GNAS-AS1: variants seen among roughly 807,000 people sequenced by gnomAD.
GNAS-AS1 encodes the protein GNAS antisense RNA 1 (non-protein coding).
intron 4 of GNAS-AS1, among the ~76,000 whole-genome samples, chr20:58,828,455 G>A (rs1372474672): frequency 1.3e-5 from 2 of 152,156 alleles, no homozygotes; most frequent in African/African-American, 2.4e-5. Flanking sequence ...AACAATTGAG[G>A]GATAGAACTA....
At chr20:58,823,603 C>T (rs957652291) in intron 4 of GNAS-AS1, among the ~76,000 whole-genome samples, 8 of 152,254 alleles carry the variant, frequency 5.3e-5, no homozygotes, top group South Asian at 2.1e-4. Context: ...AGCAGCTGGC[C>T]GGGGCCAGGT....
exon 1 of GNAS-AS1, chr20:58,850,801 G>A (rs543667430): frequency 7.5e-6 from 3 of 398,672 alleles, no homozygotes; most frequent in Non-Finnish European, 8.8e-6. Flanking sequence ...CGGCGCTAGC[G>A]GTCCTCGTGG....
At chr20:58,843,884 C>G (rs1260267136) in intron 2 of GNAS-AS1, 2 of 152,126 alleles carry the variant, frequency 1.3e-5, no homozygotes, top group African/African-American at 4.8e-5. Flanking sequence ...GTTTTGCAAA[C>G]AAAACTCTTT....
chr20:58,819,616 C>T (rs1004576145), intron 4 of GNAS-AS1, among the ~76,000 whole-genome samples: 3 of 151,994 alleles, frequency 2.0e-5, no homozygotes, highest in Admixed American at 1.3e-4. Context: ...TTCTTCAGGG[C>T]CCTCAAGAAC....
chr20:58,839,590 C>T (rs1437650332), intron 4 of GNAS-AS1: 4 of 408,760 alleles, frequency 9.8e-6, no homozygotes, highest in Non-Finnish European at 1.3e-5. Context: ...AAACAAGGTT[C>T]CCTCCTGCCA....
chr20:58,829,779 G>C (rs1568899678), intron 4 of GNAS-AS1, among the ~76,000 whole-genome samples: 1 of 151,962 alleles, frequency 6.6e-6, no homozygotes, highest in African/African-American at 2.4e-5. Context: ...TATACTCAGG[G>C]GGAAAAAAAC....
chr20:58,841,609 C>T lies in GNAS-AS1; in HGVS notation n.819+328G>A. On this transcript the variant is annotated intron_variant and non_coding_transcript_variant, in intron 4 of 4. Transcript: ENST00000424094. The surrounding 1 kb of genome is among the most constrained non-coding windows in gnomAD (Gnocchi z 5.0). The stretch of plus-strand genomic sequence containing the variant: ...GAGACCGCCTCAAAGAGCGTGCGCA[C>T]CTGCCCGCGCGCGCCGGAGCTGACC... The T allele has an allele frequency of 9.6e-7, 1 of 1,039,302 alleles. No individual in the cohort carries two copies. Among genetic ancestry groups the T allele is most frequent in the Non-Finnish European group, 1.2e-6 (1 of 865,376 alleles). 64.4% of individuals were successfully genotyped at this position (1,039,302 alleles called of 1,614,324 possible). A position where few individuals can be genotyped will look rare whatever the true frequency, so the allele number is the denominator to read the frequency against.
At chr20:58,838,394 T>C (rs2085625397) in intron 4 of GNAS-AS1, among the ~76,000 whole-genome samples, 3 of 152,198 alleles carry the variant, frequency 2.0e-5, no homozygotes, top group Admixed American at 2.0e-4. Context: ...CCCCTAGCCC[T>C]GATCCAATCA....
At chr20:58,821,766 T>C (rs2085488814) in intron 4 of GNAS-AS1, among the ~76,000 whole-genome samples, 1 of 152,084 alleles carries the variant, frequency 6.6e-6, no homozygotes, top group African/African-American at 2.4e-5. Flanking sequence ...CATGGATTCT[T>C]CTCTGAGGCC....
intron 4 of GNAS-AS1, among the ~76,000 whole-genome samples, chr20:58,835,159 G>A (rs1436584138): frequency 6.6e-6 from 1 of 151,876 alleles, no homozygotes; most frequent in East Asian, 1.9e-4. Flanking sequence ...CACAGTGAGG[G>A]GTAGCGAGTG....
intron 4 of GNAS-AS1, chr20:58,823,922 T>A: frequency 2.5e-6 from 1 of 398,110 alleles, no homozygotes; most frequent in Non-Finnish European, 4.4e-6. Context: ...TCTCTCATCA[T>A]CGATACATAG....
intron 4 of GNAS-AS1, chr20:58,839,879 C>T (rs2085654787): frequency 1.7e-6 from 1 of 598,606 alleles, no homozygotes; most frequent in East Asian, 2.8e-5. Context: ...CCCATCCCTT[C>T]TTCTTGCTCA....
intron 2 of GNAS-AS1, among the ~76,000 whole-genome samples, chr20:58,846,531 C>A (rs1336130943): frequency 6.6e-6 from 1 of 152,196 alleles, no homozygotes; most frequent in Non-Finnish European, 1.5e-5. Flanking sequence ...AGATTTAACA[C>A]CTAGAAATCT....
At chr20:58,821,265 G>A (rs780924160) in intron 4 of GNAS-AS1, among the ~76,000 whole-genome samples, 5 of 152,132 alleles carry the variant, frequency 3.3e-5, no homozygotes, top group Non-Finnish European at 5.9e-5. Flanking sequence ...CCTTCCACTG[G>A]CTGTCCCCTC....
chr20:58,833,224 G>C (rs1169326253), intron 4 of GNAS-AS1, among the ~76,000 whole-genome samples: 2 of 152,218 alleles, frequency 1.3e-5, no homozygotes, highest in Non-Finnish European at 1.5e-5. Flanking sequence ...TGGAAAACCG[G>C]AAAGTCTTCT....
chr20:58,833,833 A>T (rs2085583757), intron 4 of GNAS-AS1: 1 of 152,218 alleles, frequency 6.6e-6, no homozygotes, highest in Non-Finnish European at 1.5e-5. Context: ...CTTTAACGCA[A>T]AGCAATGCTA....
At position 58,840,611 on chromosome 20, in the gene GNAS-AS1, C is replaced by A. The variant is rs751030899; in HGVS notation, n.819+1326G>T. Reference sequence around the variant, plus strand: ...CCAGCGTCTGCACGCTCTCAAGTTGCGAAGCCCCGACGCCTCCCCAAGTCG... The same window carrying A: ...CCAGCGTCTGCACGCTCTCAAGTTGAGAAGCCCCGACGCCTCCCCAAGTCG... On this transcript the variant is annotated intron_variant and non_coding_transcript_variant, in intron 4 of 4. Transcript: ENST00000424094. The surrounding 1 kb of genome is among the most constrained non-coding windows in gnomAD (Gnocchi z 6.0). The A allele has an allele frequency of 2.5e-6, 4 of 1,608,904 alleles. No individual in the cohort carries two copies. Among genetic ancestry groups the A allele is most frequent in the South Asian group, 1.1e-5 (1 of 91,044 alleles).
At chr20:58,848,615 C>G (rs2086032849) in intron 2 of GNAS-AS1, among the ~76,000 whole-genome samples, 1 of 152,228 alleles carries the variant, frequency 6.6e-6, no homozygotes, top group Non-Finnish European at 1.5e-5. Flanking sequence ...GGCCATCTCC[C>G]TCCAGATCAA....
chr20:58,841,568 C>T lies in GNAS-AS1; in HGVS notation n.819+369G>A. 1 of 1,001,888 alleles carries T rather than the reference C, an allele frequency of 1.0e-6. No individual in the cohort carries two copies. Among genetic ancestry groups the T allele is most frequent in the Non-Finnish European group, 1.2e-6 (1 of 841,384 alleles). 62.1% of individuals were successfully genotyped at this position (1,001,888 alleles called of 1,614,324 possible). A position where few individuals can be genotyped will look rare whatever the true frequency, so the allele number is the denominator to read the frequency against. ...GCCTTGGCCGCCACAGCCCGCCTCC[C>T]GTCGCTCGCGGGACAGAGACCGCCT... is the stretch of plus-strand genomic sequence containing the variant. On this transcript the variant is annotated intron_variant and non_coding_transcript_variant, in intron 4 of 4. Coordinates refer to ENST00000424094, the Ensembl canonical transcript of GNAS-AS1. The surrounding 1 kb of genome is among the most constrained non-coding windows in gnomAD (Gnocchi z 5.0).
Sources: allele counts gnomAD v4.1 joint callset (sites outside exome capture counted in the v4.1 genomes callset), GRCh38; gene constraint gnomAD v4.1.1; non-coding constraint Gnocchi (gnomAD v3.1); transcripts MANE v1.5; gene names NCBI Gene and HGNC (gene_info 2026-07-23, HGNC 2026-07-21).